Variants in SH3GL2 observed in about 807,000 individuals in gnomAD.
SH3GL2 encodes endophilin-A1.
Under a neutral mutation model 46.0 loss-of-function variants are expected in SH3GL2, and 24 were observed. The observed-to-expected ratio is 0.52, with a 90% CI of 0.38 to 0.73. SH3GL2 has a LOEUF of 0.73. Among genes scored for constraint, SH3GL2 ranks in the 30% least tolerant of loss-of-function variants. The pLI, the probability that SH3GL2 is intolerant of heterozygous loss-of-function variation, is 0.00. For synonymous variants in SH3GL2, 196 were observed against 147.1 expected, an observed-to-expected ratio of 1.33 and a Z score of -2.40; for missense variants, 413 against 424.2, an observed-to-expected ratio of 0.97 and a Z score of 0.23.
chr9:17,626,868 A>G (rs945710301), intron 1 of SH3GL2, among the ~76,000 whole-genome samples: 1 of 152,170 alleles, frequency 6.6e-6, no homozygotes, highest in African/African-American at 2.4e-5. Flanking sequence ...GAGTCGAGGA[A>G]GAGGAGGCCT....
intron 8 of SH3GL2, among the ~76,000 whole-genome samples, chr9:17,795,326 A>G (rs1588344798): frequency 6.6e-6 from 1 of 152,304 alleles, no homozygotes; most frequent in East Asian, 1.9e-4. Flanking sequence ...AGCAACTTCC[A>G]AAGGTCCGAG....
At chr9:17,641,616 G>T (rs1424748589) in intron 1 of SH3GL2, among the ~76,000 whole-genome samples, 3 of 152,072 alleles carry the variant, frequency 2.0e-5, no homozygotes, top group African/African-American at 4.8e-5. Context: ...ACAGGCCCCA[G>T]TGTGTGATGT....
chr9:17,725,650 T>G (rs1445067021), intron 1 of SH3GL2, among the ~76,000 whole-genome samples: 1 of 152,102 alleles, frequency 6.6e-6, no homozygotes, highest in Non-Finnish European at 1.5e-5. Context: ...TCTCTTCGTG[T>G]GGAATGTCTA....
intron 1 of SH3GL2, chr9:17,589,125 A>C (rs1190135929): frequency 6.6e-6 from 1 of 152,194 alleles, no homozygotes; most frequent in Non-Finnish European, 1.5e-5. Flanking sequence ...TGCACATATG[A>C]ATTTTAAGTC....
intron 1 of SH3GL2, among the ~76,000 whole-genome samples, chr9:17,705,648 T>C (rs1223825179): frequency 1.3e-5 from 2 of 152,052 alleles, no homozygotes; most frequent in African/African-American, 4.8e-5. Flanking sequence ...TCATGTCCTT[T>C]GCAGCAACAT....
intron 3 of SH3GL2, among the ~76,000 whole-genome samples, chr9:17,772,497 C>T (rs1354262792): frequency 3.3e-5 from 5 of 152,132 alleles, no homozygotes; most frequent in Non-Finnish European, 5.9e-5. Flanking sequence ...GTAATAACTC[C>T]CCCTTTCCTA....
chr9:17,583,439 C>T (rs547732288), intron 1 of SH3GL2, among the ~76,000 whole-genome samples: 23 of 152,110 alleles, frequency 1.5e-4, no homozygotes, highest in East Asian at 7.7e-4. Flanking sequence ...CCCCTTCCAC[C>T]GTGTGAGGGT....
intron 1 of SH3GL2, among the ~76,000 whole-genome samples, chr9:17,583,076 A>G (rs1278121370): frequency 2.0e-5 from 3 of 152,200 alleles, no homozygotes; most frequent in African/African-American, 7.2e-5. Context: ...GGACTTTAAT[A>G]TGAATTTTGG....
intron 1 of SH3GL2, among the ~76,000 whole-genome samples, chr9:17,618,088 A>T (rs969581596): frequency 1.2e-4 from 18 of 152,008 alleles, no homozygotes; most frequent in Admixed American, 9.8e-4. Context: ...AAAGCAATAG[A>T]TTTTTTTCCC....
chr9:17,636,221 G>A (rs567676837), intron 1 of SH3GL2, among the ~76,000 whole-genome samples: 160 of 152,294 alleles, frequency 1.1e-3, no homozygotes, highest in African/African-American at 3.7e-3. Flanking sequence ...AAAGCACCAA[G>A]TGCATCTTAT....
At chr9:17,782,092 C>T in intron 3 of SH3GL2, among the ~76,000 whole-genome samples, 1 of 152,162 alleles carries the variant, frequency 6.6e-6, no homozygotes, top group Non-Finnish European at 1.5e-5. Flanking sequence ...CAGAGAAAAT[C>T]TTTTAAAAAT....
intron 1 of SH3GL2, among the ~76,000 whole-genome samples, chr9:17,655,105 G>A (rs2117847096): frequency 6.6e-6 from 1 of 152,316 alleles, no homozygotes; most frequent in South Asian, 2.1e-4. Context: ...CTCTAGAAAT[G>A]CTTCAGACAC....
At chr9:17,760,344 A>G (rs192075933) in intron 2 of SH3GL2, among the ~76,000 whole-genome samples, 83 of 152,282 alleles carry the variant, frequency 5.5e-4, no homozygotes, top group African/African-American at 1.9e-3. Context: ...TGAAAAACTG[A>G]ACTGAAAGAT....
chr9:17,787,732 C>G (rs1345212373), intron 5 of SH3GL2, among the ~76,000 whole-genome samples: 1 of 152,082 alleles, frequency 6.6e-6, no homozygotes, highest in Non-Finnish European at 1.5e-5. Context: ...TCTCTGGCTT[C>G]TCTATGTTTG....
chr9:17,764,205 A>G (rs1823256179), intron 3 of SH3GL2, among the ~76,000 whole-genome samples: 1 of 152,178 alleles, frequency 6.6e-6, no homozygotes, highest in Non-Finnish European at 1.5e-5. Context: ...ATATATGAGT[A>G]AGTACTACCC....
At chr9:17,656,928 A>T (rs1469183681) in intron 1 of SH3GL2, among the ~76,000 whole-genome samples, 1 of 152,212 alleles carries the variant, frequency 6.6e-6, no homozygotes, top group South Asian at 2.1e-4. Context: ...AGATTAAAAA[A>T]GTGATTTCAT....
intron 2 of SH3GL2, among the ~76,000 whole-genome samples, chr9:17,748,640 T>G (rs980839060): frequency 6.6e-6 from 1 of 152,162 alleles, no homozygotes; most frequent in Admixed American, 6.5e-5. Context: ...ATGAATTCAA[T>G]AAATATTTTC....
chr9:17,787,343 T>G lies in SH3GL2; in HGVS notation c.332-37T>G, dbSNP rs764849164. Reference sequence around the variant, plus strand: ...CTGTTATTGCGAGTGCATTTCATCTTTATTCTGTAACATGAAAGAGCTTTA... The same window carrying G: ...CTGTTATTGCGAGTGCATTTCATCTGTATTCTGTAACATGAAAGAGCTTTA... On this transcript the variant is annotated intron_variant, in intron 4 of 8. Coordinates refer to ENST00000380607, the MANE Select transcript of SH3GL2 (RefSeq NM_003026.5). 1.0e-5 allele frequency: 16 copies of G among 1,593,910 alleles called. No homozygotes were observed. The African/African-American group carries it at 2.2e-4, about 22-fold the overall frequency.
At chr9:17,752,511 T>C (rs778748991) in intron 2 of SH3GL2, among the ~76,000 whole-genome samples, 12 of 152,164 alleles carry the variant, frequency 7.9e-5, no homozygotes, top group South Asian at 2.1e-4. Context: ...TACTTACTTA[T>C]GTGGAGATTG....
Sources: gnomAD v4.1 joint callset for allele counts (sites outside exome capture counted in the v4.1 genomes callset) on GRCh38, gnomAD v4.1.1 for gene constraint, MANE v1.5 for transcripts, NCBI Gene and HGNC (gene_info 2026-07-23, HGNC 2026-07-21) for gene names.